Variants in USP40 observed in about 807,000 individuals in gnomAD.
The protein encoded by USP40 is ubiquitin carboxyl-terminal hydrolase 40.
Under a neutral mutation model 166.2 loss-of-function variants are expected in USP40, and 143 were observed. The observed-to-expected ratio is 0.86, with a 90% CI of 0.75 to 0.99. The LOEUF (loss-of-function observed/expected upper bound fraction) is 0.99, where lower values mean the gene tolerates loss of function less well. Among genes scored for constraint, USP40 ranks in the 50% least tolerant of loss-of-function variants. The pLI is 0.00. For synonymous variants in USP40, 498 were observed against 524.0 expected, an observed-to-expected ratio of 0.95 and a Z score of 0.68; for missense variants, 1,444 against 1,479.7, an observed-to-expected ratio of 0.98 and a Z score of 0.40.
Position 233,540,770 on chromosome 2 carries a change from C to T in USP40, c.1063-1G>A, listed in dbSNP as rs761861913. On this transcript the variant is annotated splice_acceptor_variant, in intron 9 of 31. Transcript: ENST00000678225. LOFTEE classifies it high-confidence loss of function. ...CAACAGGAATTAGATTATTCTCCTC[C>T]TTATGAGAGAAACACAGTCACTCAA... 11 of 1,607,766 alleles carry T rather than the reference C, an allele frequency of 6.8e-6. No homozygotes were observed. The South Asian group carries it at 9.9e-5, about 15-fold the overall frequency.
chr2:233,527,276 T>A, intron 13 of USP40, 131 bp downstream of exon 13: 1 of 1,033,080 alleles, frequency 9.7e-7, no homozygotes, highest in Non-Finnish European at 1.4e-6. Flanking sequence ...CAACCCTCTA[T>A]GAAGTGGCAG....
intron 26 of USP40, chr2:233,490,885 T>C (rs1049274762): frequency 1.8e-5 from 9 of 513,248 alleles, no homozygotes; most frequent in Non-Finnish European, 3.0e-5. Flanking sequence ...AGAAACCATG[T>C]TTCCCTAAAA....
At position 233,525,465 on chromosome 2, in the gene USP40, A is replaced by G. The variant is rs2067953308; in HGVS notation, c.1810+13T>C. Reference sequence around the variant, plus strand: ...ATATAGAGTGAGTTGCTATGTTTTCATATTTATCTTACCGCCAAGTGACTG... The same window carrying G: ...ATATAGAGTGAGTTGCTATGTTTTCGTATTTATCTTACCGCCAAGTGACTG... On this transcript the variant is annotated intron_variant, in intron 14 of 31. Coordinates refer to ENST00000678225, the MANE Select transcript of USP40 (RefSeq NM_001365479.2). 2 of 1,607,492 alleles carry G rather than the reference A, an allele frequency of 1.2e-6. No homozygotes were observed. The highest frequency in any genetic ancestry group is 8.5e-7 in the Non-Finnish European group (1 of 1,174,762).
Position 233,486,378 on chromosome 2 carries a change from G to A in USP40, c.3198-401C>T, listed in dbSNP as rs2064950561. Among the ~76,000 whole-genome samples the A allele has an allele frequency of 1.3e-5, 2 of 152,298 alleles. No individual in the cohort carries two copies. Among genetic ancestry groups the A allele is most frequent in the Middle Eastern group, 3.4e-3 (1 of 294 alleles). The stretch of plus-strand genomic sequence containing the variant: ...GGTAGGCAGTTATGCCCTTGACTCT[G>A]GGGGCTGTAAATGTGAGCTGCCATG... On this transcript the variant is annotated intron_variant, in intron 28 of 31. Coordinates refer to ENST00000678225, the MANE Select transcript of USP40 (RefSeq NM_001365479.2). The surrounding 1 kb of genome is among the most constrained non-coding windows in gnomAD (Gnocchi z 4.0).
intron 8 of USP40, chr2:233,546,254 C>G (rs4047198): frequency 0.8 from 122,390 of 152,106 alleles, 49,402 homozygotes; most frequent in East Asian, 0.96. Context: ...GCACAAAACT[C>G]CAAAAGAGAT....
intron 31 of USP40, 122 bp downstream of exon 31, chr2:233,481,081 T>C (rs779982840): frequency 4.5e-6 from 4 of 879,982 alleles, no homozygotes; most frequent in Non-Finnish European, 7.0e-6. Context: ...GCCACACTGG[T>C]GTGCTTTGTG....
chr2:233,477,387 C>T lies in USP40; in HGVS notation c.*5G>A, dbSNP rs199592795. ...CATCGGGAGTAGAGCCGTGCAGCGG[C>T]GCGGTTATCTGAAGCTCCCCACGTG... On this transcript the variant is annotated 3_prime_UTR_variant, in exon 32 of 32. Transcript: ENST00000678225. The T allele has an allele frequency of 1.7e-5, 27 of 1,612,920 alleles. No individual in the cohort carries two copies. Among genetic ancestry groups the T allele is most frequent in the East Asian group, 1.3e-4 (6 of 44,868 alleles).
rs565067217 is a variant in USP40, at chr2:233,480,845, C to T, written c.3599+358G>A. ...CAGCAGGGCTGAGGTGGCAGCAAGACGGGGTGGTTCTGGAGACCTGAGGGT... is the reference window on the plus strand; with the variant it reads ...CAGCAGGGCTGAGGTGGCAGCAAGATGGGGTGGTTCTGGAGACCTGAGGGT... On this transcript the variant is annotated intron_variant, in intron 31 of 31. Transcript: ENST00000678225. The surrounding 1 kb of genome is among the most constrained non-coding windows in gnomAD (Gnocchi z 4.5). Among the ~76,000 whole-genome samples, 3 of 152,122 alleles carry T rather than the reference C, an allele frequency of 2.0e-5. No individual in the cohort carries two copies. The highest frequency in any genetic ancestry group is 2.1e-4 in the South Asian group (1 of 4,822).
rs1040832154 is a variant in USP40, at chr2:233,489,661, C to A, written c.3013-178G>T. ...CTCTCTCTCTCTTAAATAACACTAA[C>A]CCTGAGCGGTCTTCATATTCCTCTG... On this transcript the variant is annotated intron_variant, in intron 26 of 31. Coordinates refer to ENST00000678225, the MANE Select transcript of USP40 (RefSeq NM_001365479.2). 1.9e-5 allele frequency: 11 copies of A among 589,728 alleles called. No individual in the cohort carries two copies. The South Asian group carries it at 2.4e-4, about 13-fold the overall frequency. 36.5% of individuals were successfully genotyped at this position (589,728 alleles called of 1,614,324 possible). A position where few individuals can be genotyped will look rare whatever the true frequency, so the allele number is the denominator to read the frequency against.
At position 233,489,483 on chromosome 2, in the gene USP40, C is replaced by G; in HGVS notation, c.3013G>C (p.Ala1005Pro). Residue 1005 changes from alanine to proline, a missense_variant and splice_region_variant, in exon 27 of 32, where the codon GCC becomes CCC. Coordinates refer to ENST00000678225, the MANE Select transcript of USP40 (RefSeq NM_001365479.2). Reference protein sequence around the residue: ...DATLAELKSQAMTLPPFLEFG... With the variant: ...DATLAELKSQPMTLPPFLEFG... ...TCCAGGAAAGGAGGCAAGGTCATGG[C>G]CTAGAAAAAGAAACAGACATTTCTC... is the stretch of plus-strand genomic sequence containing the variant. 1 of 1,592,778 alleles carries G rather than the reference C, an allele frequency of 6.3e-7. No homozygotes were observed. Among genetic ancestry groups the G allele is most frequent in the Non-Finnish European group, 8.5e-7 (1 of 1,169,828 alleles).
chr2:233,512,239 A>C (rs2066889947), intron 19 of USP40: 2 of 192,082 alleles, frequency 1.0e-5, no homozygotes, highest in South Asian at 3.2e-4. Flanking sequence ...TGAGAACTGA[A>C]GATTTTATTT....
chr2:233,519,530 T>A lies in USP40; in HGVS notation c.2383+84A>T, dbSNP rs1036750943. On this transcript the variant is annotated intron_variant, in intron 18 of 31. Transcript: ENST00000678225. ...AGGTATGTGAGTTCTCCCTAAACTG[T>A]TTTTTGTATTCTCCTATATTTTCTT... 18 of 875,238 alleles carry A rather than the reference T, an allele frequency of 2.1e-5. No homozygotes were observed. In the Admixed American group the frequency reaches 4.6e-4, roughly 22 times the overall value. The allele number at this position is 875,238 out of a possible 1,614,324, so 54.2% of individuals were successfully genotyped here. A position where few individuals can be genotyped will look rare whatever the true frequency, so the allele number is the denominator to read the frequency against.
chr2:233,477,528 T>C, intron 31 of USP40, 25 bp from the exon 32 acceptor site: 1 of 1,598,488 alleles, frequency 6.3e-7, no homozygotes, highest in Non-Finnish European at 8.6e-7. Flanking sequence ...ACACTGTCAT[T>C]GACTCATGGA....
intron 20 of USP40, 68 bp downstream of exon 20, chr2:233,511,640 TA>T: frequency 1.7e-6 from 2 of 1,209,658 alleles, no homozygotes; most frequent in Non-Finnish European, 1.2e-6. Context: ...CTGGAGTAGC[TA>T]AGGTACTAGT....
At chr2:233,530,452 G>C (rs1014192695) in intron 11 of USP40, among the ~76,000 whole-genome samples, 5 of 152,142 alleles carry the variant, frequency 3.3e-5, no homozygotes, top group African/African-American at 1.2e-4. Flanking sequence ...ACATCTTTGA[G>C]CATCAACATT....
intron 30 of USP40, among the ~76,000 whole-genome samples, chr2:233,481,989 G>A (rs1390598299): frequency 6.6e-6 from 1 of 152,218 alleles, no homozygotes; most frequent in Non-Finnish European, 1.5e-5. Context: ...TGCCCAGGTC[G>A]CTGGCTGCAT....
intron 7 of USP40, among the ~76,000 whole-genome samples, chr2:233,549,662 T>C (rs2070367126): frequency 6.6e-6 from 1 of 151,950 alleles, no homozygotes; most frequent in Non-Finnish European, 1.5e-5. Context: ...TATTGATATA[T>C]ATCTAGTTGA....
chr2:233,494,977 TATAC>T (rs2065653234), intron 24 of USP40, among the ~76,000 whole-genome samples: 4 of 96,738 alleles, frequency 4.1e-5, no homozygotes, highest in African/African-American at 1.1e-4. Context: ...TATATATATA[TATAC>T]ACACACATAA....
intron 3 of USP40, among the ~76,000 whole-genome samples, chr2:233,561,691 T>C (rs1299688472): frequency 2.0e-5 from 3 of 151,472 alleles, no homozygotes; most frequent in African/African-American, 4.9e-5. Flanking sequence ...CCAAAAGCAA[T>C]GGCAACCAAA....
Sources: gnomAD v4.1 joint callset for allele counts (sites outside exome capture counted in the v4.1 genomes callset) on GRCh38, gnomAD v4.1.1 for gene constraint, Gnocchi (gnomAD v3.1) non-coding constraint, MANE v1.5 for transcripts, NCBI Gene and HGNC (gene_info 2026-07-23, HGNC 2026-07-21) for gene names.